Variants in PRKCQ observed in about 807,000 individuals in gnomAD.
PRKCQ encodes protein kinase C theta, also known as protein kinase C theta type.
PRKCQ carries 41 observed loss-of-function variants against 91.2 expected under a neutral mutation model. That is an observed-to-expected ratio of 0.45 (90% CI 0.35 to 0.58). PRKCQ has a LOEUF of 0.58. Among genes scored for constraint, PRKCQ ranks in the 20% least tolerant of loss-of-function variants. The probability of loss-of-function intolerance (pLI) is 0.00; values close to 1 mark genes in which losing one functional copy is unlikely to be tolerated. For missense variants in PRKCQ, 673 were observed against 896.5 expected (o/e 0.75, Z 3.18); for synonymous variants, 307 against 316.9 (o/e 0.97, Z 0.33).
chr10:6,424,412 C>G (rs1461008797), downstream of PRKCQ, among the ~76,000 whole-genome samples: 6 of 152,214 alleles, frequency 3.9e-5, no homozygotes, highest in African/African-American at 1.4e-4. Context: ...CTTCATACTT[C>G]TCACCCGCCC....
chr10:6,528,827 C>T (rs541290035), intron 1 of PRKCQ, among the ~76,000 whole-genome samples: 20 of 152,354 alleles, frequency 1.3e-4, no homozygotes, highest in African/African-American at 4.6e-4. Flanking sequence ...TCTGCTCCCA[C>T]CTGTCCCTAC....
At chr10:6,462,023 C>T (rs1407766035) in intron 14 of PRKCQ, among the ~76,000 whole-genome samples, 1 of 152,038 alleles carries the variant, frequency 6.6e-6, no homozygotes, top group African/African-American at 2.4e-5. Flanking sequence ...AAAGAGAAAA[C>T]AGGACAGTGA....
chr10:6,494,217 C>G (rs557133980), intron 7 of PRKCQ, among the ~76,000 whole-genome samples: 73 of 152,190 alleles, frequency 4.8e-4, no homozygotes, highest in Non-Finnish European at 9.7e-4. Flanking sequence ...GCCCTACTCC[C>G]TTCCGGTTAA....
chr10:6,459,004 T>C (rs1463595516), intron 14 of PRKCQ, among the ~76,000 whole-genome samples: 2 of 152,150 alleles, frequency 1.3e-5, no homozygotes, highest in Non-Finnish European at 2.9e-5. Context: ...CCACCACACC[T>C]GCTTCTCCAC....
chr10:6,407,502 G>C, the PRKCQ span, among the ~76,000 whole-genome samples: 3 of 151,228 alleles, frequency 2.0e-5, no homozygotes, highest in African/African-American at 7.3e-5. This position sits in a 1 kb window ranked among gnomAD's most constrained non-coding sequence, Gnocchi z 4.0. Flanking sequence ...TGTATGGTGT[G>C]TATGTATGGT....
chr10:6,560,898 G>C (rs1015333111), intron 1 of PRKCQ, among the ~76,000 whole-genome samples: 4 of 152,048 alleles, frequency 2.6e-5, no homozygotes, highest in African/African-American at 9.7e-5. Flanking sequence ...AATTAGCCAG[G>C]CGTGGTGGTG....
At chr10:6,451,723 T>C (rs1317546206) in intron 15 of PRKCQ, among the ~76,000 whole-genome samples, 1 of 152,108 alleles carries the variant, frequency 6.6e-6, no homozygotes, top group African/African-American at 2.4e-5. Flanking sequence ...AAAAAGCTTA[T>C]CCACCATGAT....
chr10:6,573,365 G>A (rs1257202944), intron 1 of PRKCQ, among the ~76,000 whole-genome samples: 1 of 152,116 alleles, frequency 6.6e-6, no homozygotes, highest in East Asian at 1.9e-4. Flanking sequence ...TTACTTTCAG[G>A]ACAGACTTGG....
chr10:6,497,600 C>T lies in PRKCQ; in HGVS notation c.543-349G>A, dbSNP rs1749034250. On this transcript the variant is annotated intron_variant, in intron 5 of 17. Coordinates refer to ENST00000263125, the MANE Select transcript of PRKCQ (RefSeq NM_006257.5). This position sits in a 1 kb window ranked among gnomAD's most constrained non-coding sequence, Gnocchi z 4.5. ...ATTCATGGCCTCGCTGAGCTCACTA[C>T]AGACGAACAAAGACATCTGTAACAT... 6.6e-6 allele frequency among the ~76,000 whole-genome samples: 1 copy of T among 152,214 alleles called. No individual in the cohort carries two copies. Among genetic ancestry groups the T allele is most frequent in the Non-Finnish European group, 1.5e-5 (1 of 68,034 alleles).
chr10:6,462,470 G>T, intron 13 of PRKCQ, 105 bp from the exon 14 acceptor site: 1 of 901,982 alleles, frequency 1.1e-6, no homozygotes, highest in Non-Finnish European at 1.8e-6. Context: ...TGGCTAAATG[G>T]CATACACACA....
intron 16 of PRKCQ, among the ~76,000 whole-genome samples, chr10:6,435,934 C>T (rs1430619067): frequency 1.3e-5 from 2 of 152,088 alleles, no homozygotes; most frequent in African/African-American, 4.8e-5. Context: ...GGGAACATGG[C>T]AAAACCCGTC....
intron 16 of PRKCQ, among the ~76,000 whole-genome samples, 197 bp from the exon 17 acceptor site, chr10:6,431,135 C>T (rs952549769): frequency 2.0e-5 from 3 of 152,184 alleles, no homozygotes; most frequent in Admixed American, 1.3e-4. Context: ...TGGAGTCTGA[C>T]ACGTTATCTT....
the PRKCQ span, among the ~76,000 whole-genome samples, chr10:6,405,953 G>A: frequency 6.6e-6 from 1 of 152,172 alleles, no homozygotes; most frequent in South Asian, 2.1e-4. Flanking sequence ...TTTCTTCTTG[G>A]TATAACCTCA....
intron 1 of PRKCQ, among the ~76,000 whole-genome samples, chr10:6,568,373 T>C (rs926451224): frequency 1.2e-4 from 18 of 152,218 alleles, no homozygotes; most frequent in African/African-American, 4.3e-4. Context: ...TTTTCTTTAT[T>C]AAAATCACTT....
the PRKCQ span, among the ~76,000 whole-genome samples, chr10:6,413,726 C>T: frequency 2.8e-5 from 3 of 107,696 alleles, no homozygotes; most frequent in African/African-American, 7.2e-5. Context: ...GCCACTTGTG[C>T]GCGCGCACAC....
chr10:6,431,300 A>G (rs1253497301), intron 16 of PRKCQ, among the ~76,000 whole-genome samples: 4 of 152,224 alleles, frequency 2.6e-5, no homozygotes, highest in Non-Finnish European at 4.4e-5. Context: ...ACAGCAATAC[A>G]CACACAAACA....
chr10:6,467,057 G>GGT (rs1263688993), intron 12 of PRKCQ, among the ~76,000 whole-genome samples: 102 of 152,190 alleles, frequency 6.7e-4, no homozygotes, highest in African/African-American at 2.3e-3. Context: ...ATGAATCTCT[G>GGT]CATTGGTCCT....
At chr10:6,578,977 G>A (rs1482945685) in intron 1 of PRKCQ, among the ~76,000 whole-genome samples, 1 of 152,214 alleles carries the variant, frequency 6.6e-6, no homozygotes, top group Non-Finnish European at 1.5e-5. Flanking sequence ...GCCCAGTGGG[G>A]ACCATGGCTT....
chr10:6,471,126 G>A (rs1185988692), intron 12 of PRKCQ, among the ~76,000 whole-genome samples: 1 of 152,164 alleles, frequency 6.6e-6, no homozygotes, highest in African/African-American at 2.4e-5. Context: ...ATGATCTACA[G>A]TCAGACCATT....
Sources: allele counts gnomAD v4.1 joint callset (sites outside exome capture counted in the v4.1 genomes callset), GRCh38; gene constraint gnomAD v4.1.1; non-coding constraint Gnocchi (gnomAD v3.1); transcripts MANE v1.5; gene names NCBI Gene and HGNC (gene_info 2026-07-23, HGNC 2026-07-21).